Variants in GRM3 observed in about 807,000 individuals in gnomAD.
GRM3 encodes metabotropic glutamate receptor 3.
In GRM3, 26 loss-of-function variants were observed where a neutral mutation model predicts 70.5. The observed-to-expected ratio is 0.37, with a 90% CI of 0.27 to 0.51. The LOEUF (loss-of-function observed/expected upper bound fraction) is 0.51, where lower values mean the gene tolerates loss of function less well. GRM3 is among the 20% of genes least tolerant of loss of function. The probability of loss-of-function intolerance (pLI) is 0.93; values close to 1 mark genes in which losing one functional copy is unlikely to be tolerated. For missense variants in GRM3, 859 were observed against 1,123.8 expected, an observed-to-expected ratio of 0.76 and a Z score of 3.37; for synonymous variants, 443 against 434.9, an observed-to-expected ratio of 1.02 and a Z score of -0.23.
Position 86,839,833 on chromosome 7 carries a change from T to C in GRM3, c.2319T>C (p.Phe773=). 6.2e-7 allele frequency: 1 copy of C among 1,614,080 alleles called. No homozygotes were observed. The highest frequency in any genetic ancestry group is 2.2e-5 in the East Asian group (1 of 44,888). Residue 773 remains phenylalanine (F), a synonymous_variant, in exon 4 of 6, where the codon TTT becomes TTC. Coordinates refer to ENST00000361669, the MANE Select transcript of GRM3 (RefSeq NM_000840.3). The surrounding 1 kb of genome is among the most constrained non-coding windows in gnomAD (Gnocchi z 4.5). ...ENFNEAKFIG[F]TMYTTCIIWL... is the part of the protein sequence containing the mutation. ...TCAACGAAGCTAAGTTCATAGGTTT[T>C]ACCATGTACACCACGTGCATCATCT...
rs200344556 is a variant in GRM3 at position 86,782,182 on chromosome 7, TTCCCTTTCACCCTG to T, written c.469-4063_469-4050del. Among the ~76,000 whole-genome samples the T allele has an allele frequency of 9.3e-4, 141 of 151,192 alleles. 1 individual carries two copies. Among genetic ancestry groups the T allele is most frequent in the East Asian group, 6.4e-3 (33 of 5,168 alleles). On this transcript the variant is annotated intron_variant, in intron 2 of 5. Transcript: ENST00000361669. ...TATATCCAGAATTTGTCCTTCCTCC[TTCCCTTTCACCCTG>T]TCCCTTTCACCCTGTGGGAGTCCTC...
At chr7:86,660,070 G>A (rs904396777) in intron 1 of GRM3, among the ~76,000 whole-genome samples, 9 of 151,970 alleles carry the variant, frequency 5.9e-5, no homozygotes, top group African/African-American at 1.7e-4. Context: ...GTATATTTGC[G>A]TGTAGCTAAT....
chr7:86,666,642 T>G (rs1355484450), intron 1 of GRM3, among the ~76,000 whole-genome samples: 1 of 152,094 alleles, frequency 6.6e-6, no homozygotes, highest in African/African-American at 2.4e-5. Flanking sequence ...AGAACGCTTT[T>G]TTTTCTAATG....
chr7:86,676,078 A>C (rs7806472), intron 1 of GRM3, among the ~76,000 whole-genome samples: 32 of 152,060 alleles, frequency 2.1e-4, no homozygotes, highest in Non-Finnish European at 2.8e-4. Flanking sequence ...ACAAAAAAAA[A>C]CCAAAAATAC....
At chr7:86,674,414 T>C (rs1794250748) in intron 1 of GRM3, among the ~76,000 whole-genome samples, 2 of 152,110 alleles carry the variant, frequency 1.3e-5, no homozygotes, top group African/African-American at 2.4e-5. Context: ...TCTGAAGTTA[T>C]ACACCATCAC....
chr7:86,726,254 A>C (rs1795590990), intron 1 of GRM3, among the ~76,000 whole-genome samples: 2 of 152,170 alleles, frequency 1.3e-5, no homozygotes, highest in Non-Finnish European at 2.9e-5. Context: ...CCCTCACCCC[A>C]AAGTGTGGGC....
At chr7:86,829,017 C>G (rs1363554573) in intron 3 of GRM3, among the ~76,000 whole-genome samples, 1 of 152,230 alleles carries the variant, frequency 6.6e-6, no homozygotes, top group Non-Finnish European at 1.5e-5. Context: ...CCATAAAAAG[C>G]AACCCCTCAT....
intron 1 of GRM3, chr7:86,645,093 G>A (rs1338667522): frequency 2.9e-6 from 1 of 345,690 alleles, no homozygotes; most frequent in African/African-American, 2.2e-5. Flanking sequence ...CTGGGAGGAG[G>A]GAGATTTCAG....
chr7:86,666,289 A>G (rs1294631163), intron 1 of GRM3, among the ~76,000 whole-genome samples: 2 of 152,056 alleles, frequency 1.3e-5, no homozygotes, highest in African/African-American at 4.8e-5. Flanking sequence ...AAAATAGCTT[A>G]CTTACAGAAG....
At chr7:86,663,166 G>A (rs909375728) in intron 1 of GRM3, among the ~76,000 whole-genome samples, 1 of 151,752 alleles carries the variant, frequency 6.6e-6, no homozygotes, top group African/African-American at 2.4e-5. Context: ...CTCAAGCTGA[G>A]CCCTAGGGTA....
intron 1 of GRM3, among the ~76,000 whole-genome samples, chr7:86,751,791 C>T (rs1468076200): frequency 6.6e-6 from 1 of 152,126 alleles, no homozygotes; most frequent in African/African-American, 2.4e-5. Flanking sequence ...GCACGCCCAT[C>T]ACTCACTTGC....
At chr7:86,676,690 G>C (rs1173245365) in intron 1 of GRM3, among the ~76,000 whole-genome samples, 1 of 151,868 alleles carries the variant, frequency 6.6e-6, no homozygotes, top group Non-Finnish European at 1.5e-5. Flanking sequence ...AATTTATTTG[G>C]TGAAAGAGTA....
chr7:86,773,333 A>G (rs1402391161), intron 2 of GRM3, among the ~76,000 whole-genome samples: 1 of 151,948 alleles, frequency 6.6e-6, no homozygotes, highest in Non-Finnish European at 1.5e-5. Context: ...ATTTTAGTAG[A>G]TATTATTATC....
intron 1 of GRM3, among the ~76,000 whole-genome samples, chr7:86,702,514 T>C (rs902815202): frequency 1.3e-5 from 2 of 152,026 alleles, no homozygotes; most frequent in Non-Finnish European, 2.9e-5. Context: ...AAAGAGTATA[T>C]GGCTTATATT....
rs141715535 is a variant in GRM3 at position 86,704,438 on chromosome 7, C to T, written c.-141+59566C>T. 4.5e-3 allele frequency among the ~76,000 whole-genome samples: 679 copies of T among 151,964 alleles called. 2 individuals are homozygous for T. Among genetic ancestry groups the T allele is most frequent in the African/African-American group, 0.016 (646 of 41,514 alleles). On this transcript the variant is annotated intron_variant, in intron 1 of 5. Transcript: ENST00000361669. Reference sequence around the variant, plus strand: ...GGACCACAAAAGGAAATCATCGTTTCTAATGCATTTTTACTATGAACAAAA... The same window carrying T: ...GGACCACAAAAGGAAATCATCGTTTTTAATGCATTTTTACTATGAACAAAA...
At chr7:86,826,331 C>CCA (rs1160140259) in intron 3 of GRM3, among the ~76,000 whole-genome samples, 1 of 152,192 alleles carries the variant, frequency 6.6e-6, no homozygotes, top group African/African-American at 2.4e-5. Flanking sequence ...CTCTAGAAGA[C>CCA]TATATATCTC....
At chr7:86,685,738 C>T (rs1794548985) in intron 1 of GRM3, among the ~76,000 whole-genome samples, 1 of 151,942 alleles carries the variant, frequency 6.6e-6, no homozygotes, top group Non-Finnish European at 1.5e-5. Context: ...AACCCCTTCT[C>T]TACTAAAAAT....
intron 4 of GRM3, among the ~76,000 whole-genome samples, chr7:86,849,953 T>C (rs1199763269): frequency 6.6e-6 from 1 of 152,118 alleles, no homozygotes; most frequent in Non-Finnish European, 1.5e-5. Context: ...CAAAACAAAT[T>C]TGTTTATAAT....
At chr7:86,837,485 T>G (rs28370356) in intron 3 of GRM3, among the ~76,000 whole-genome samples, 15 of 152,158 alleles carry the variant, frequency 9.9e-5, no homozygotes, top group Admixed American at 7.2e-4. Context: ...TTCCATAGTA[T>G]GGAAGTAGCT....
Sources: allele counts gnomAD v4.1 joint callset (sites outside exome capture counted in the v4.1 genomes callset), GRCh38; gene constraint gnomAD v4.1.1; non-coding constraint Gnocchi (gnomAD v3.1); transcripts MANE v1.5; gene names NCBI Gene and HGNC (gene_info 2026-07-23, HGNC 2026-07-21).